The following RBFOX1 variants were observed in gnomAD, a reference collection of about 807,000 sequenced individuals.
RBFOX1 encodes RNA binding protein fox-1 homolog 1.
In RBFOX1, 8 loss-of-function variants were observed where a neutral mutation model predicts 57.7. The ratio of observed to expected loss-of-function variants is 0.14; its 90% CI spans 0.08 to 0.25. The LOEUF (loss-of-function observed/expected upper bound fraction) is 0.25. Ranked by LOEUF, RBFOX1 falls within the 10% of genes least tolerant of loss-of-function variation. The pLI is 1.00. For synonymous variants in RBFOX1, 326 were observed against 222.4 expected, an observed-to-expected ratio of 1.47 and a Z score of -4.15; for missense variants, 611 against 548.5, an observed-to-expected ratio of 1.11 and a Z score of -1.14.
chr16:7,193,362 C>G (rs139049206), intron 4 of RBFOX1, among the ~76,000 whole-genome samples: 3 of 152,342 alleles, frequency 2.0e-5, no homozygotes, highest in African/African-American at 7.2e-5. Flanking sequence ...CAGAAAAGAA[C>G]ATGCCCCACA....
intron 3 of RBFOX1, among the ~76,000 whole-genome samples, chr16:6,947,406 A>C (rs977775362): frequency 3.3e-5 from 5 of 152,210 alleles, no homozygotes; most frequent in Admixed American, 1.3e-4. Context: ...TCCTAAGAGA[A>C]GGAACAGATG....
chr16:7,312,234 T>C (rs28591292), intron 4 of RBFOX1, among the ~76,000 whole-genome samples: 12,863 of 152,120 alleles, frequency 0.085, 589 homozygotes, highest in African/African-American at 0.11. Flanking sequence ...ACAAAAATTA[T>C]CTGAGCGTGG....
intron 3 of RBFOX1, among the ~76,000 whole-genome samples, chr16:5,696,474 A>T (rs2050845701): frequency 6.6e-6 from 1 of 152,192 alleles, no homozygotes; most frequent in African/African-American, 2.4e-5. Flanking sequence ...AATAATTGTG[A>T]ACTTGCTTCC....
chr16:7,117,398 A>G (rs1025215362), intron 4 of RBFOX1, among the ~76,000 whole-genome samples: 8 of 152,208 alleles, frequency 5.3e-5, no homozygotes, highest in Admixed American at 3.3e-4. Context: ...GGGAAGCAAC[A>G]TGGGGCATGA....
intron 3 of RBFOX1, among the ~76,000 whole-genome samples, chr16:5,620,659 C>T (rs191212152): frequency 6.6e-6 from 1 of 151,738 alleles, no homozygotes; most frequent in African/African-American, 2.4e-5. Flanking sequence ...TTAGGGCCAC[C>T]CTAATCTCAT....
At chr16:7,213,483 A>C (rs920731886) in intron 4 of RBFOX1, among the ~76,000 whole-genome samples, 7 of 152,110 alleles carry the variant, frequency 4.6e-5, no homozygotes, top group African/African-American at 1.7e-4. Flanking sequence ...ATCTGTTCCA[A>C]GTTTTCATGA....
In RBFOX1 at chr16:5,599,277, C is replaced by A. The variant is rs553519438; in HGVS notation, c.*28C>A. On this transcript the variant is annotated 3_prime_UTR_variant, in exon 3 of 3. Transcript: ENST00000585867. ...AGGCTGCAAATTGGTCCCTCTGCGCCCTGGTGTGACGGCCCCAGGTTGTGG... is the reference window on the plus strand; with the variant it reads ...AGGCTGCAAATTGGTCCCTCTGCGCACTGGTGTGACGGCCCCAGGTTGTGG... The A allele has an allele frequency of 5.4e-4, 353 of 648,038 alleles. 2 individuals carry two copies. The Admixed American group carries it at 7.1e-3, about 13-fold the overall frequency. 40.1% of individuals were successfully genotyped at this position (648,038 alleles called of 1,614,324 possible). A position where few individuals can be genotyped will look rare whatever the true frequency, so the allele number is the denominator to read the frequency against.
chr16:6,950,662 A>G (rs775874584), intron 3 of RBFOX1, among the ~76,000 whole-genome samples: 3 of 152,142 alleles, frequency 2.0e-5, no homozygotes, highest in Non-Finnish European at 4.4e-5. Context: ...GGATGCAGAA[A>G]GAGGTGAGGT....
intron 4 of RBFOX1, among the ~76,000 whole-genome samples, chr16:7,192,408 G>A (rs929061019): frequency 6.6e-6 from 1 of 152,156 alleles, no homozygotes; most frequent in Admixed American, 6.5e-5. Flanking sequence ...AGGAGCTTTA[G>A]ACTCAAATGC....
intron 2 of RBFOX1, among the ~76,000 whole-genome samples, chr16:6,476,995 G>T (rs1356317916): frequency 6.6e-6 from 1 of 152,118 alleles, no homozygotes; most frequent in Non-Finnish European, 1.5e-5. Context: ...CTCCTCATCT[G>T]TTAAAGTTTT....
chr16:6,810,013 C>A (rs929707922), intron 3 of RBFOX1, among the ~76,000 whole-genome samples: 7 of 147,862 alleles, frequency 4.7e-5, no homozygotes, highest in South Asian at 2.2e-4. Flanking sequence ...TGAAAAAATT[C>A]TCTTCTCTCT....
chr16:5,748,603 T>C lies in RBFOX1; in HGVS notation c.319-118700T>C, dbSNP rs561759257. The stretch of plus-strand genomic sequence containing the variant: ...AGGATAGTTAGCTCTTCTTGTTGAA[T>C]TGATCCCTTTACCATTATATAATGG... On this transcript the variant is annotated intron_variant, in intron 3 of 19. Coordinates refer to the RBFOX1 transcript ENST00000641259. Among the ~76,000 whole-genome samples the C allele has an allele frequency of 2.9e-3, 447 of 152,328 alleles. 4 individuals carry two copies. Among genetic ancestry groups the C allele is most frequent in the African/African-American group, 0.01 (416 of 41,564 alleles).
At chr16:5,381,895 G>A (rs997318197) in intron 1 of RBFOX1, among the ~76,000 whole-genome samples, 6 of 152,216 alleles carry the variant, frequency 3.9e-5, no homozygotes, top group Non-Finnish European at 7.3e-5. Context: ...CAGTCTTGGC[G>A]CTATTGACAT....
intron 2 of RBFOX1, among the ~76,000 whole-genome samples, chr16:6,379,940 G>C (rs781682068): frequency 5.3e-5 from 8 of 152,164 alleles, no homozygotes; most frequent in Middle Eastern, 3.2e-3. Context: ...CTTCAGGAGA[G>C]GGGGTGTCCA....
intron 4 of RBFOX1, among the ~76,000 whole-genome samples, chr16:5,872,801 G>A (rs1204154842): frequency 1.3e-5 from 2 of 152,118 alleles, no homozygotes; most frequent in Non-Finnish European, 2.9e-5. Flanking sequence ...TACAGTAGAT[G>A]TTCAACAATT....
At chr16:7,365,111 A>G (rs1354714068) in intron 4 of RBFOX1, among the ~76,000 whole-genome samples, 4 of 152,168 alleles carry the variant, frequency 2.6e-5, no homozygotes, top group Non-Finnish European at 4.4e-5. Flanking sequence ...CCATCCCAAT[A>G]CAAACCATAT....
At chr16:6,992,059 T>C (rs895578736) in intron 3 of RBFOX1, among the ~76,000 whole-genome samples, 8 of 152,282 alleles carry the variant, frequency 5.3e-5, no homozygotes, top group African/African-American at 1.7e-4. Flanking sequence ...CTAGAAAATA[T>C]TGGCCTGTCT....
chr16:6,629,647 CT>C (rs201513972), intron 2 of RBFOX1, among the ~76,000 whole-genome samples: 1,593 of 152,192 alleles, frequency 0.01, 40 homozygotes, highest in African/African-American at 0.036. Flanking sequence ...AGCCCCTTAA[CT>C]GGAGATGACA....
At chr16:6,674,408 G>A (rs1476615827) in intron 3 of RBFOX1, among the ~76,000 whole-genome samples, 7 of 151,882 alleles carry the variant, frequency 4.6e-5, no homozygotes, top group Admixed American at 3.3e-4. Flanking sequence ...CTCAACCTCC[G>A]CCTCCTGGGT....
Sources: gnomAD v4.1 joint callset for allele counts (sites outside exome capture counted in the v4.1 genomes callset) on GRCh38, gnomAD v4.1.1 for gene constraint, MANE v1.5 for transcripts, NCBI Gene and HGNC (gene_info 2026-07-23, HGNC 2026-07-21) for gene names.